RBFOX1: variants seen among roughly 807,000 people sequenced by gnomAD.
The protein encoded by RBFOX1 is RNA binding fox-1 homolog 1.
RBFOX1 carries 8 observed loss-of-function variants against 57.7 expected under a neutral mutation model. That is an observed-to-expected ratio of 0.14 (90% CI 0.08 to 0.25). RBFOX1 has a LOEUF of 0.25. Among genes scored for constraint, RBFOX1 ranks in the 10% least tolerant of loss-of-function variants. RBFOX1 has a pLI of 1.00. For missense variants in RBFOX1, 611 were observed against 548.5 expected, an observed-to-expected ratio of 1.11 and a Z score of -1.14; for synonymous variants, 326 against 222.4, an observed-to-expected ratio of 1.47 and a Z score of -4.15.
At chr16:6,372,616 T>C (rs2090604520) in intron 2 of RBFOX1, among the ~76,000 whole-genome samples, 2 of 148,632 alleles carry the variant, frequency 1.3e-5, no homozygotes, top group African/African-American at 5.0e-5. Flanking sequence ...TTGGGATCAC[T>C]GGGCAGGAGT....
intron 1 of RBFOX1, among the ~76,000 whole-genome samples, chr16:6,266,343 T>C (rs1268210867): frequency 2.0e-5 from 3 of 152,208 alleles, no homozygotes; most frequent in South Asian, 2.1e-4. Flanking sequence ...TGATATTCCG[T>C]TGTGTCTCAG....
chr16:6,500,890 T>TGTTTGTTTG (rs1256264535), intron 2 of RBFOX1, among the ~76,000 whole-genome samples: 3 of 138,390 alleles, frequency 2.2e-5, no homozygotes, highest in South Asian at 2.5e-4. Flanking sequence ...TTTTTTTTTT[T>TGTTTGTTTG]TTTTTTTTTT....
chr16:5,988,306 G>C (rs1353674629), intron 4 of RBFOX1, among the ~76,000 whole-genome samples: 1 of 152,176 alleles, frequency 6.6e-6, no homozygotes, highest in African/African-American at 2.4e-5. Context: ...AGAGTTGAAA[G>C]AATGTGATAT....
At chr16:7,404,705 A>AAAAC (rs371142516) in intron 4 of RBFOX1, among the ~76,000 whole-genome samples, 2 of 146,252 alleles carry the variant, frequency 1.4e-5, no homozygotes, top group African/African-American at 4.9e-5. Flanking sequence ...TTTTTCAGAA[A>AAAAC]AAACAAACAA....
chr16:6,483,392 C>G lies in RBFOX1; in HGVS notation c.-64+166335C>G, dbSNP rs1024013627. ...GGCGCGCGGCGCGCACGACAGATGA[C>G]TGGAGTCATTTACATTGCTAGCACG... On this transcript the variant is annotated intron_variant, in intron 2 of 15. Transcript: ENST00000550418. 10 of 1,531,788 alleles carry G rather than the reference C, an allele frequency of 6.5e-6. No homozygotes were observed. The East Asian group carries it at 2.5e-4, about 38-fold the overall frequency. 94.9% of individuals were successfully genotyped at this position (1,531,788 alleles called of 1,614,324 possible).
intron 4 of RBFOX1, among the ~76,000 whole-genome samples, chr16:7,195,209 G>C (rs1349877646): frequency 2.0e-5 from 3 of 152,204 alleles, no homozygotes; most frequent in East Asian, 1.9e-4. Flanking sequence ...TTCATGGACT[G>C]AGTTTCCCAG....
At chr16:6,810,463 A>G (rs1384409688) in intron 3 of RBFOX1, among the ~76,000 whole-genome samples, 1 of 152,092 alleles carries the variant, frequency 6.6e-6, no homozygotes, top group Non-Finnish European at 1.5e-5. Flanking sequence ...AAAGGTATCT[A>G]ATTTTCCGTT....
chr16:7,389,753 ATAATAT>A (rs776250559), intron 4 of RBFOX1, among the ~76,000 whole-genome samples: 3 of 152,142 alleles, frequency 2.0e-5, no homozygotes, highest in Admixed American at 6.6e-5. Context: ...AACACCAATA[ATAATAT>A]TGGTGGTTAA....
intron 4 of RBFOX1, among the ~76,000 whole-genome samples, chr16:7,317,041 G>A (rs182296035): frequency 1.3e-5 from 2 of 151,556 alleles, no homozygotes; most frequent in East Asian, 3.9e-4. Context: ...ACCATATTTA[G>A]CCTTTTTACA....
At chr16:5,568,932 C>G (rs2046170844) in intron 2 of RBFOX1, among the ~76,000 whole-genome samples, 1 of 152,036 alleles carries the variant, frequency 6.6e-6, no homozygotes, top group African/African-American at 2.4e-5. Flanking sequence ...CCTCCGCCCG[C>G]TGGGTTCAAG....
At chr16:6,302,069 A>AT (rs773815516) in intron 1 of RBFOX1, among the ~76,000 whole-genome samples, 1 of 152,220 alleles carries the variant, frequency 6.6e-6, no homozygotes, top group East Asian at 1.9e-4. Flanking sequence ...AGATGCAAAT[A>AT]TTTTTATCTC....
intron 14 of RBFOX1, among the ~76,000 whole-genome samples, chr16:7,707,788 G>C (rs2082964152): frequency 6.6e-6 from 1 of 152,134 alleles, no homozygotes; most frequent in African/African-American, 2.4e-5. Context: ...ATAGGATCAG[G>C]TCGCAGATAT....
chr16:7,291,887 T>C (rs1029464787), intron 4 of RBFOX1, among the ~76,000 whole-genome samples: 4 of 83,456 alleles, frequency 4.8e-5, no homozygotes, highest in Non-Finnish European at 4.8e-5. Context: ...ATATAAAATA[T>C]ATAATGTACT....
intron 5 of RBFOX1, among the ~76,000 whole-genome samples, chr16:7,555,658 G>C (rs1435929915): frequency 6.6e-6 from 1 of 152,108 alleles, no homozygotes; most frequent in Non-Finnish European, 1.5e-5. Flanking sequence ...TTCTGTACCA[G>C]CCTCACGCTT....
At chr16:7,519,028 A>G (rs750496038) in intron 5 of RBFOX1, among the ~76,000 whole-genome samples, 8 of 152,304 alleles carry the variant, frequency 5.3e-5, no homozygotes, top group Non-Finnish European at 1.2e-4. Flanking sequence ...GTCTCTAAAT[A>G]AACAAAAATA....
At chr16:5,277,562 A>G (rs536564350) in intron 1 of RBFOX1, among the ~76,000 whole-genome samples, 9 of 152,008 alleles carry the variant, frequency 5.9e-5, no homozygotes, top group African/African-American at 1.7e-4. Context: ...CTCTTTTCAA[A>G]CCCCTCCTCT....
intron 3 of RBFOX1, among the ~76,000 whole-genome samples, chr16:6,895,444 G>GTA (rs1341028814): frequency 4.5e-4 from 33 of 73,460 alleles, no homozygotes; most frequent in African/African-American, 2.0e-3. Flanking sequence ...GTGTGTGTGT[G>GTA]TGTGTATATA....
intron 2 of RBFOX1, among the ~76,000 whole-genome samples, chr16:5,525,290 C>T (rs558126981): frequency 6.2e-4 from 94 of 152,140 alleles, no homozygotes; most frequent in Middle Eastern, 3.4e-3. Context: ...TCACGCCTGA[C>T]ATTTATTTAG....
chr16:5,675,445 A>G (rs2050137643), intron 3 of RBFOX1, among the ~76,000 whole-genome samples: 1 of 152,180 alleles, frequency 6.6e-6, no homozygotes, highest in African/African-American at 2.4e-5. Context: ...GATGTGAACA[A>G]TAGAGAACTC....
Sources: gnomAD v4.1 joint callset for allele counts (sites outside exome capture counted in the v4.1 genomes callset) on GRCh38, gnomAD v4.1.1 for gene constraint, MANE v1.5 for transcripts, NCBI Gene and HGNC (gene_info 2026-07-23, HGNC 2026-07-21) for gene names.